MTA3: variants seen among roughly 807,000 people sequenced by gnomAD.
MTA3 encodes metastasis associated 1 family member 3.
In MTA3, 34 loss-of-function variants were observed where a neutral mutation model predicts 83.5. The ratio of observed to expected loss-of-function variants is 0.41; its 90% confidence interval spans 0.31 to 0.54. MTA3 has a LOEUF of 0.54. MTA3 is among the 20% of genes least tolerant of loss of function. MTA3 has a pLI of 0.33. For missense variants in MTA3, 761 were observed against 726.4 expected (o/e 1.05, Z -0.55); for synonymous variants, 303 against 252.7 (o/e 1.20, Z -1.89).
rs201889366 is a variant in MTA3, at chr2:42,713,360, G to T, written c.1525+4264G>T. ...GAGATTTCTCAGCTAAAGTTAATGA[G>T]TATAAGCTTTTCTGAAATTTTAAGC... On this transcript the variant is annotated intron_variant, in intron 14 of 16. Transcript: ENST00000405094. 7.9e-3 allele frequency among the ~76,000 whole-genome samples: 147 copies of T among 18,540 alleles called. 1 individual carries two copies. In the Middle Eastern group the frequency reaches 0.4, roughly 50 times the overall value. The allele number at this position is 18,540 out of a possible 152,430, so 12.2% of individuals were successfully genotyped here.
Position 42,754,407 on chromosome 2 carries a change from CAT to C in MTA3, c.*1009_*1010del. 1 of 985,510 alleles carries C rather than the reference CAT, an allele frequency of 1.0e-6. No homozygotes were observed. The highest frequency in any genetic ancestry group is 1.2e-6 in the Non-Finnish European group (1 of 830,020). The allele number at this position is 985,510 out of a possible 1,614,324, so 61.0% of individuals were successfully genotyped here. The stretch of plus-strand genomic sequence containing the variant: ...CCTCCAGCCCAACATCTTGTGAGCA[CAT>C]GTGACCTAGGCCCCGGGGGACCTGC... On this transcript the variant is annotated 3_prime_UTR_variant, in exon 17 of 17. Transcript: ENST00000405094.
Position 42,738,523 on chromosome 2 carries a change from C to A in MTA3, c.1760-14851C>A, listed in dbSNP as rs895185265. ...GAGGAGGATGTATGTTGCCTCAGGA[C>A]TATGTGATAATTGCATTAACTGCAC... On this transcript the variant is annotated intron_variant, in intron 16 of 16. Transcript: ENST00000405094. Among the ~76,000 whole-genome samples, 3 of 152,250 alleles carry A rather than the reference C, an allele frequency of 2.0e-5. No homozygotes were observed. In the East Asian group the frequency reaches 5.8e-4, roughly 29 times the overall value.
intron 3 of MTA3, among the ~76,000 whole-genome samples, chr2:42,592,638 CAT>C (rs1201714092): frequency 6.6e-6 from 1 of 152,056 alleles, no homozygotes; most frequent in African/African-American, 2.4e-5. Context: ...AAAACATAAA[CAT>C]ATATATTAGC....
At chr2:42,642,808 C>A (rs1306174755) in intron 5 of MTA3, among the ~76,000 whole-genome samples, 2 of 149,854 alleles carry the variant, frequency 1.3e-5, no homozygotes, top group African/African-American at 4.9e-5. Context: ...CCACACCCGG[C>A]TGATTTTTCT....
chr2:42,661,359 G>A (rs1484844545), intron 8 of MTA3, among the ~76,000 whole-genome samples: 1 of 151,816 alleles, frequency 6.6e-6, no homozygotes, highest in South Asian at 2.1e-4. Flanking sequence ...AAATTAGCTG[G>A]GTGTGGTGGC....
chr2:42,636,540 TCAAAA>T (rs749095521), intron 4 of MTA3, among the ~76,000 whole-genome samples: 122 of 150,182 alleles, frequency 8.1e-4, no homozygotes, highest in African/African-American at 2.5e-3. Context: ...AGACCCTTTC[TCAAAA>T]CAAAACAAAA....
intron 2 of MTA3, among the ~76,000 whole-genome samples, chr2:42,508,243 T>G (rs62144798): frequency 0.031 from 4,647 of 152,264 alleles, 94 homozygotes; most frequent in Non-Finnish European, 0.045. Flanking sequence ...TATTTTTTTC[T>G]TTCCCTTACC....
chr2:42,737,579 G>A (rs1400403312), intron 16 of MTA3, among the ~76,000 whole-genome samples: 2 of 152,050 alleles, frequency 1.3e-5, no homozygotes, highest in African/African-American at 2.4e-5. Flanking sequence ...CTTCAATTTG[G>A]TGTTCCTTCA....
chr2:42,744,534 G>T (rs928240528), intron 16 of MTA3, among the ~76,000 whole-genome samples: 10 of 152,088 alleles, frequency 6.6e-5, no homozygotes, highest in African/African-American at 2.4e-4. Context: ...CTGACCCTCT[G>T]TTCCCCTTTC....
At position 42,727,229 on chromosome 2, in the gene MTA3, C is replaced by T. The variant is rs192322810; in HGVS notation, c.1759+4194C>T. On this transcript the variant is annotated intron_variant, in intron 16 of 16. Transcript: ENST00000405094. ...AGAAAGAAAGAAAGAAAGAAATCTG[C>T]ATACGCAAGAAGCCTCAGTACTCAG... 6.8e-4 allele frequency among the ~76,000 whole-genome samples: 103 copies of T among 152,222 alleles called. 1 individual carries two copies. Among genetic ancestry groups the T allele is most frequent in the Non-Finnish European group, 7.4e-5 (5 of 67,998 alleles).
At chr2:42,547,441 C>T (rs13392047) in intron 2 of MTA3, among the ~76,000 whole-genome samples, 58 of 152,378 alleles carry the variant, frequency 3.8e-4, no homozygotes, top group African/African-American at 1.3e-3. Flanking sequence ...GATTCTCGTG[C>T]CTCAGCCTCG....
At chr2:42,525,194 C>CTT (rs1432297541) in intron 2 of MTA3, among the ~76,000 whole-genome samples, 7 of 121,950 alleles carry the variant, frequency 5.7e-5, no homozygotes, top group African/African-American at 2.1e-4. Context: ...TTTTCTTCTT[C>CTT]TTCTTTTTTT....
intron 6 of MTA3, among the ~76,000 whole-genome samples, chr2:42,652,836 C>T (rs1688839051): frequency 6.6e-6 from 1 of 152,048 alleles, no homozygotes; most frequent in Admixed American, 6.5e-5. Flanking sequence ...ACTTTCAGGA[C>T]AATATTGAGC....
intron 3 of MTA3, among the ~76,000 whole-genome samples, chr2:42,585,348 A>G (rs1347049515): frequency 6.6e-6 from 1 of 152,112 alleles, no homozygotes; most frequent in African/African-American, 2.4e-5. Context: ...TCGGCCTCCC[A>G]AAGTGCTGGG....
intron 16 of MTA3, among the ~76,000 whole-genome samples, chr2:42,749,118 T>C (rs1669667717): frequency 1.3e-5 from 2 of 152,236 alleles, no homozygotes; most frequent in African/African-American, 4.8e-5. Context: ...ACTTGCATAG[T>C]TCAGAAATAA....
chr2:42,544,433 C>T (rs1201305848), intron 2 of MTA3, among the ~76,000 whole-genome samples: 1 of 141,524 alleles, frequency 7.1e-6, no homozygotes, highest in Non-Finnish European at 1.5e-5. Flanking sequence ...GCTTGGGCAA[C>T]AGAGCAAGAC....
chr2:42,564,117 G>A (rs1677798160), upstream of MTA3, among the ~76,000 whole-genome samples: 1 of 152,136 alleles, frequency 6.6e-6, no homozygotes, highest in Non-Finnish European at 1.5e-5. Flanking sequence ...CACTGTGCCT[G>A]GCCAACCATT....
At chr2:42,510,804 AG>A (rs1674864448) in intron 2 of MTA3, among the ~76,000 whole-genome samples, 1 of 152,176 alleles carries the variant, frequency 6.6e-6, no homozygotes, top group African/African-American at 2.4e-5. Flanking sequence ...AGGCAGAGAG[AG>A]GGGGATGCCC....
chr2:42,572,718 T>C (rs1279664474), intron 2 of MTA3, among the ~76,000 whole-genome samples: 3 of 152,066 alleles, frequency 2.0e-5, no homozygotes, highest in East Asian at 3.8e-4. Flanking sequence ...GAAGAAACTT[T>C]TGTTTTGTTT....
Sources: gnomAD v4.1 joint callset for allele counts (sites outside exome capture counted in the v4.1 genomes callset) on GRCh38, gnomAD v4.1.1 for gene constraint, MANE v1.5 for transcripts, NCBI Gene and HGNC (gene_info 2026-07-23, HGNC 2026-07-21) for gene names.